The following PDE5A variants were observed in gnomAD, a reference collection of about 807,000 sequenced individuals.
PDE5A encodes the protein cGMP-specific 3',5'-cyclic phosphodiesterase.
In PDE5A, 67 loss-of-function variants were observed where a neutral mutation model predicts 110.2. That is an observed-to-expected ratio of 0.61 (90% CI 0.50 to 0.75). The LOEUF (loss-of-function observed/expected upper bound fraction) is 0.75, where lower values mean the gene tolerates loss of function less well. Among genes scored for constraint, PDE5A ranks in the 30% least tolerant of loss-of-function variants. The pLI is 0.00. For missense variants in PDE5A, 862 were observed against 1,045.1 expected (o/e 0.82, Z 2.42); for synonymous variants, 328 against 351.2 (o/e 0.93, Z 0.74).
At chr4:119,527,597 A>G (rs533734696) in intron 11 of PDE5A, among the ~76,000 whole-genome samples, 7 of 152,250 alleles carry the variant, frequency 4.6e-5, no homozygotes, top group African/African-American at 1.4e-4. Context: ...TACTAATAGC[A>G]GGAAATAAAT....
intron 15 of PDE5A, among the ~76,000 whole-genome samples, chr4:119,509,327 A>C (rs1418882993): frequency 6.6e-6 from 1 of 152,058 alleles, no homozygotes; most frequent in Non-Finnish European, 1.5e-5. Context: ...AATCAAGTAG[A>C]AATGCTGGTT....
chr4:119,605,413 G>A (rs1406140611), intron 2 of PDE5A, among the ~76,000 whole-genome samples: 2 of 152,100 alleles, frequency 1.3e-5, no homozygotes, highest in African/African-American at 4.8e-5. Flanking sequence ...TTGGGAGGCT[G>A]AGACAGGAGG....
Position 119,567,057 on chromosome 4 carries a change from A to C in PDE5A, c.903+16T>G. 6.3e-7 allele frequency: 1 copy of C among 1,591,952 alleles called. No homozygotes were observed. Among genetic ancestry groups the C allele is most frequent in the Non-Finnish European group, 8.6e-7 (1 of 1,159,886 alleles). ...ATCTTCCTAAATTGGCTCATGTCTG[A>C]CACAAGTTTTGGTACCTTTTCATCT... On this transcript the variant is annotated intron_variant, in intron 4 of 20. Transcript: ENST00000354960.
intron 1 of PDE5A, among the ~76,000 whole-genome samples, chr4:119,620,816 T>C (rs1730116566): frequency 6.6e-6 from 1 of 152,212 alleles, no homozygotes; most frequent in Admixed American, 6.5e-5. Flanking sequence ...GACGTAAATT[T>C]AATATGCATA....
intron 9 of PDE5A, chr4:119,548,850 T>G (rs10009626): frequency 1.3e-5 from 2 of 151,888 alleles, no homozygotes; most frequent in African/African-American, 4.8e-5. Context: ...CTAAGCATAA[T>G]TTACAATTCT....
Position 119,565,369 on chromosome 4 carries a change from A to C in PDE5A, c.945T>G (p.His315Gln). 6.2e-7 allele frequency: 1 copy of C among 1,612,658 alleles called. No individual in the cohort carries two copies. Among genetic ancestry groups the C allele is most frequent in the Non-Finnish European group, 8.5e-7 (1 of 1,179,054 alleles). The stretch of plus-strand genomic sequence containing the variant: ...GTGAAGTCTCATAGAGCTGAGCATT[A>C]TGAAGAACAATACCACAAAATGCCA... ...AYLAFCGIVLHNAQLYETSLL... is the reference protein window; with the variant it reads ...AYLAFCGIVLQNAQLYETSLL... Residue 315 changes from histidine to glutamine, a missense_variant, in exon 5 of 21, where the codon CAT becomes CAG. His to Gln is a conservative substitution (Grantham distance 24). Transcript: ENST00000354960.
intron 11 of PDE5A, among the ~76,000 whole-genome samples, chr4:119,527,432 C>T (rs1304068982): frequency 6.6e-6 from 1 of 152,080 alleles, no homozygotes; most frequent in East Asian, 1.9e-4. Context: ...AGTCAGAAAT[C>T]CTTTCAAGCT....
rs566101904 is a variant in PDE5A, at chr4:119,496,892, A to G, written c.*1709T>C. On this transcript the variant is annotated 3_prime_UTR_variant, in exon 21 of 21. Transcript: ENST00000354960. ...CATTAAACAGTTGGTAACTTCCTAG[A>G]TTAACCTTTACCAAATACAAAATAA... The G allele has an allele frequency of 6.5e-6, 1 of 152,696 alleles. No homozygotes were observed. Among genetic ancestry groups the G allele is most frequent in the South Asian group, 2.1e-4 (1 of 4,834 alleles). The allele number at this position is 152,696 out of a possible 1,614,324, so 9.5% of individuals were successfully genotyped here.
intron 11 of PDE5A, among the ~76,000 whole-genome samples, chr4:119,538,065 G>A (rs1026555979): frequency 2.0e-5 from 3 of 151,994 alleles, no homozygotes; most frequent in African/African-American, 7.2e-5. Context: ...AGCTCTGGAT[G>A]GTGAACTTGT....
chr4:119,604,938 C>A (rs1338817128), intron 2 of PDE5A, among the ~76,000 whole-genome samples: 1 of 152,136 alleles, frequency 6.6e-6, no homozygotes, highest in Non-Finnish European at 1.5e-5. Context: ...ATCTTTAAGG[C>A]CAAGGTCCTT....
At chr4:119,610,060 C>G (rs943932504) in intron 1 of PDE5A, among the ~76,000 whole-genome samples, 5 of 152,186 alleles carry the variant, frequency 3.3e-5, no homozygotes, top group Admixed American at 1.3e-4. Flanking sequence ...AAATCACAAG[C>G]ATATACCTAC....
rs35632964 is a variant in PDE5A at position 119,588,528 on chromosome 4, T to TAA, written c.831+7993_831+7994dup. 1.6e-4 allele frequency among the ~76,000 whole-genome samples: 22 copies of TAA among 139,772 alleles called. No individual in the cohort carries two copies. In the East Asian group the frequency reaches 3.1e-3, roughly 20 times the overall value. 91.7% of individuals were successfully genotyped at this position (139,772 alleles called of 152,430 possible). On this transcript the variant is annotated intron_variant, in intron 3 of 20. Coordinates refer to ENST00000354960, the MANE Select transcript of PDE5A (RefSeq NM_001083.4). ...AAAGCAAGTATCTTCTTTGCTTCAT[T>TAA]AAAAAAAAAAAAAAAAGAATCTACA...
At chr4:119,579,262 A>C (rs1211427508) in intron 3 of PDE5A, among the ~76,000 whole-genome samples, 3 of 152,190 alleles carry the variant, frequency 2.0e-5, no homozygotes, top group Non-Finnish European at 4.4e-5. Context: ...TAGTTCAATC[A>C]TTGTGGAAGT....
intron 1 of PDE5A, among the ~76,000 whole-genome samples, chr4:119,610,000 T>C (rs1227102745): frequency 6.6e-6 from 1 of 152,200 alleles, no homozygotes; most frequent in Non-Finnish European, 1.5e-5. Context: ...AAAGAGGTAT[T>C]ACAAATTTGA....
rs1578825017 is a variant in PDE5A, at chr4:119,609,465, A to T, written c.153-2168T>A. On this transcript the variant is annotated intron_variant, in intron 1 of 20. Transcript: ENST00000354960. ...AGATGTAAAAGAGTTTGAAAAGAAC[A>T]CACTGTCTTATTTCTGAGTCTTTAC... Among the ~76,000 whole-genome samples, 3 of 152,322 alleles carry T rather than the reference A, an allele frequency of 2.0e-5. No homozygotes were observed. The East Asian group carries it at 5.8e-4, about 29-fold the overall frequency.
intron 2 of PDE5A, among the ~76,000 whole-genome samples, chr4:119,606,106 T>C (rs1729518353): frequency 6.6e-6 from 1 of 152,180 alleles, no homozygotes; most frequent in South Asian, 2.1e-4. Context: ...TGTGCATAGG[T>C]ATAGCAAAAG....
At chr4:119,592,456 T>TAAAAAAAAAAAAAAAAAAA (rs55997249) in intron 3 of PDE5A, among the ~76,000 whole-genome samples, 1 of 66,176 alleles carries the variant, frequency 1.5e-5, no homozygotes, top group Admixed American at 2.1e-4. Context: ...AGACTCTGTT[T>TAAAAAAAAAAAAAAAAAAA]AAAAAAAAAA....
rs994917229 is a variant in PDE5A, at chr4:119,504,582, G to A, written c.2285C>T (p.Ala762Val). The part of the protein sequence containing the change: ...KELFLAMLMT[A>V]CDLSAITKPW... ...TTTTGTAATTGCAGAAAGATCACAA[G>A]CTGTCATCAGCATTGCCCTGTTATG... The change falls in exon 18 of 21, where the codon GCT becomes GTT. Residue 762 changes from alanine to valine, a missense_variant. Physicochemically the swap from Ala to Val is moderately conservative, Grantham distance 64 (BLOSUM62 0). Transcript: ENST00000354960. 2.5e-6 allele frequency: 4 copies of A among 1,612,174 alleles called. No individual in the cohort carries two copies. The highest frequency in any genetic ancestry group is 2.7e-5 in the African/African-American group (2 of 74,800).
intron 1 of PDE5A, among the ~76,000 whole-genome samples, chr4:119,623,867 C>A (rs1026599338): frequency 1.3e-5 from 2 of 151,884 alleles, no homozygotes; most frequent in African/African-American, 4.8e-5. Flanking sequence ...TGAAGATATC[C>A]ATCTACACTA....
Sources: gnomAD v4.1 joint callset for allele counts (sites outside exome capture counted in the v4.1 genomes callset) on GRCh38, gnomAD v4.1.1 for gene constraint, MANE v1.5 for transcripts, NCBI Gene and HGNC (gene_info 2026-07-23, HGNC 2026-07-21) for gene names.